PATJ: variants seen among roughly 807,000 people sequenced by gnomAD.
PATJ encodes the protein PATJ crumbs cell polarity complex component.
Under a neutral mutation model 224.9 loss-of-function variants are expected in PATJ, and 190 were observed. The ratio of observed to expected loss-of-function variants is 0.84; its 90% CI spans 0.75 to 0.95. PATJ has a LOEUF of 0.95. Among genes scored for constraint, PATJ ranks in the 40% least tolerant of loss-of-function variants. The pLI is 0.00. For synonymous variants in PATJ, 769 were observed against 820.3 expected, an observed-to-expected ratio of 0.94 and a Z score of 1.07; for missense variants, 2,121 against 2,270.3, an observed-to-expected ratio of 0.93 and a Z score of 1.34.
chr1:61,863,918 TTAGTG>T (rs1665012771), intron 19 of PATJ, among the ~76,000 whole-genome samples: 1 of 152,250 alleles, frequency 6.6e-6, no homozygotes, highest in South Asian at 2.1e-4. Flanking sequence ...GGTTAAATAT[TTAGTG>T]TAAGAGTTTA....
intron 42 of PATJ, among the ~76,000 whole-genome samples, chr1:62,149,790 C>T (rs1668440678): frequency 7.1e-6 from 1 of 140,324 alleles, no homozygotes; most frequent in South Asian, 2.4e-4. Flanking sequence ...AATCCCACCA[C>T]TGCTAACACT....
rs1020691187 is a variant in PATJ at position 61,884,301 on chromosome 1, G to A, written c.3024G>A (p.Arg1008=). Residue 1008 remains arginine (R), a synonymous_variant, in exon 22 of 44, where the codon AGG becomes AGA. Transcript: ENST00000642238. ...TTGACCTTCCTGTTGTGGCTCAAAG[G>A]AGGGAGCAAGAAGATTTGCCTTTAT... is the stretch of plus-strand genomic sequence containing the variant. The part of the protein sequence containing the change: ...LLIDLPVVAQ[R]REQEDLPLYQ... 2 of 1,613,746 alleles carry A rather than the reference G, an allele frequency of 1.2e-6. No homozygotes were observed. The highest frequency in any genetic ancestry group is 2.2e-5 in the South Asian group (2 of 91,026).
intron 10 of PATJ, among the ~76,000 whole-genome samples, chr1:61,796,753 C>T (rs1325544783): frequency 6.6e-5 from 8 of 120,828 alleles, no homozygotes; most frequent in African/African-American, 2.7e-4. Context: ...TTTTTTCTTC[C>T]TTTCTTCCTT....
intron 30 of PATJ, among the ~76,000 whole-genome samples, chr1:62,040,201 C>T (rs985777425): frequency 7.4e-4 from 111 of 149,290 alleles, no homozygotes; most frequent in African/African-American, 2.7e-3. Flanking sequence ...CTCAGCCTCT[C>T]GGGTTCAAGC....
At chr1:61,920,792 C>T (rs1377315254) in intron 26 of PATJ, among the ~76,000 whole-genome samples, 2 of 150,434 alleles carry the variant, frequency 1.3e-5, no homozygotes, top group African/African-American at 4.9e-5. Flanking sequence ...ATGCAACCTC[C>T]ACCTCCCATG....
chr1:62,033,046 G>T (rs897351931), intron 29 of PATJ, among the ~76,000 whole-genome samples: 11 of 152,148 alleles, frequency 7.2e-5, no homozygotes, highest in Non-Finnish European at 1.6e-4. Context: ...CCTTTGACAC[G>T]TGGGGATTAT....
At chr1:61,905,643 T>C (rs924371923) in intron 24 of PATJ, among the ~76,000 whole-genome samples, 1 of 152,196 alleles carries the variant, frequency 6.6e-6, no homozygotes, top group Non-Finnish European at 1.5e-5. Context: ...TTATGGTAAT[T>C]GTACTTTTGG....
intron 31 of PATJ, among the ~76,000 whole-genome samples, chr1:62,078,566 G>A (rs1020786529): frequency 4.6e-5 from 7 of 151,892 alleles, no homozygotes; most frequent in South Asian, 4.2e-4. Flanking sequence ...GTTTACAGGC[G>A]TGAGCCACCA....
rs1646899258 is a variant in PATJ at position 62,018,373 on chromosome 1, G to A, written c.3959+426G>A. Among the ~76,000 whole-genome samples the A allele has an allele frequency of 6.6e-6, 1 of 152,222 alleles. No individual in the cohort carries two copies. The highest frequency in any genetic ancestry group is 1.5e-5 in the Non-Finnish European group (1 of 68,038). ...TTCCTTTTAAGAGTGCTGGTGAGAA[G>A]CTCAGAGTAGAGAAGATGTTCAGCA... is the stretch of plus-strand genomic sequence containing the variant. On this transcript the variant is annotated intron_variant, in intron 29 of 43. Transcript: ENST00000642238. This position sits in a 1 kb window ranked among gnomAD's most constrained non-coding sequence, Gnocchi z 4.2.
intron 26 of PATJ, among the ~76,000 whole-genome samples, chr1:61,926,837 A>C (rs181823375): frequency 1.3e-5 from 2 of 152,232 alleles, no homozygotes; most frequent in Non-Finnish European, 2.9e-5. Flanking sequence ...TTGGCCACTT[A>C]CTGAAGTGTA....
chr1:62,060,736 G>A (rs1469111688), intron 31 of PATJ, among the ~76,000 whole-genome samples: 1 of 152,068 alleles, frequency 6.6e-6, no homozygotes, highest in Non-Finnish European at 1.5e-5. Flanking sequence ...GAGTGCAGTG[G>A]TAAGATCATA....
At chr1:62,022,900 A>G (rs751417753) in intron 29 of PATJ, among the ~76,000 whole-genome samples, 13 of 152,196 alleles carry the variant, frequency 8.5e-5, no homozygotes, top group African/African-American at 1.4e-4. Context: ...TCCTCTGGCC[A>G]TATCCCTGAA....
At chr1:62,000,234 C>T (rs1222322690) in intron 28 of PATJ, among the ~76,000 whole-genome samples, 4 of 137,850 alleles carry the variant, frequency 2.9e-5, no homozygotes, top group East Asian at 2.1e-4. Context: ...TTTTAGGGTA[C>T]ATGTGCACAA....
chr1:61,921,187 G>T (rs141902154), intron 26 of PATJ, among the ~76,000 whole-genome samples: 31 of 152,090 alleles, frequency 2.0e-4, no homozygotes, highest in African/African-American at 7.2e-4. Context: ...TGAACCCATG[G>T]GACAACTTTA....
At chr1:62,104,750 C>A (rs954775961) in intron 33 of PATJ, among the ~76,000 whole-genome samples, 4 of 152,182 alleles carry the variant, frequency 2.6e-5, no homozygotes, top group African/African-American at 9.7e-5. Context: ...CAGCTCACTG[C>A]AGCCTCTGCC....
chr1:61,981,022 T>G lies in PATJ; in HGVS notation c.3671-9146T>G, dbSNP rs142914962. On this transcript the variant is annotated intron_variant, in intron 27 of 43. Transcript: ENST00000642238. Reference sequence around the variant, plus strand: ...TACAGGAAACCCCAGAGATTTTGGATGGAGGGAGGCAGCCTAGGAGGCTGA... The same window carrying G: ...TACAGGAAACCCCAGAGATTTTGGAGGGAGGGAGGCAGCCTAGGAGGCTGA... Among the ~76,000 whole-genome samples, 302 of 152,112 alleles carry G rather than the reference T, an allele frequency of 2.0e-3. 2 individuals carry two copies. Among genetic ancestry groups the G allele is most frequent in the African/African-American group, 7.0e-3 (289 of 41,414 alleles).
intron 7 of PATJ, among the ~76,000 whole-genome samples, chr1:61,780,896 T>C (rs1647219273): frequency 6.6e-6 from 1 of 152,180 alleles, no homozygotes; most frequent in African/African-American, 2.4e-5. Flanking sequence ...GAAGGGATCG[T>C]CACTATTTCA....
intron 22 of PATJ, among the ~76,000 whole-genome samples, chr1:61,885,570 C>T (rs529864765): frequency 2.0e-5 from 3 of 152,316 alleles, no homozygotes; most frequent in African/African-American, 7.2e-5. Context: ...CACTTTTACA[C>T]TGTTGGTGGG....
chr1:62,110,156 C>T (rs1663624079), intron 34 of PATJ, among the ~76,000 whole-genome samples: 1 of 152,212 alleles, frequency 6.6e-6, no homozygotes, highest in African/African-American at 2.4e-5. Context: ...ACAGGCTCCT[C>T]TCTTACCTCA....
Sources: gnomAD v4.1 joint callset for allele counts (sites outside exome capture counted in the v4.1 genomes callset) on GRCh38, gnomAD v4.1.1 for gene constraint, Gnocchi (gnomAD v3.1) non-coding constraint, MANE v1.5 for transcripts, NCBI Gene and HGNC (gene_info 2026-07-23, HGNC 2026-07-21) for gene names.